The following SLC26A5 variants were observed in gnomAD, a reference collection of about 807,000 sequenced individuals.
The protein encoded by SLC26A5 is solute carrier family 26 member 5, also known as prestin.
A neutral mutation model predicts 81.0 loss-of-function variants in SLC26A5; 51 were observed. The observed-to-expected ratio is 0.63, with a 90% CI of 0.50 to 0.80. The LOEUF is 0.80. Ranked by LOEUF, SLC26A5 falls within the 30% of genes least tolerant of loss-of-function variation. SLC26A5 has a pLI of 0.00. For synonymous variants in SLC26A5, 325 were observed against 332.8 expected (o/e 0.98, Z 0.25); for missense variants, 771 against 905.8 (o/e 0.85, Z 1.91).
chr7:103,355,713 T>C (rs1343269874), intron 19 of SLC26A5: 2 of 1,613,960 alleles, frequency 1.2e-6, no homozygotes, highest in Non-Finnish European at 1.7e-6. Context: ...AATCTGACAC[T>C]GGCCTGGCCC....
chr7:103,397,915 T>G lies in SLC26A5; in HGVS notation c.971+17A>C. The G allele has an allele frequency of 1.3e-6, 2 of 1,597,576 alleles. No individual in the cohort carries two copies. The highest frequency in any genetic ancestry group is 1.7e-6 in the Non-Finnish European group (2 of 1,164,966). ...TGATTATTTCAGTCACACAGTTACT[T>G]AAAACCACTTTCCTACCCTAGAGGA... On this transcript the variant is annotated intron_variant, in intron 9 of 19. Transcript: ENST00000306312.
chr7:103,365,112 C>A (rs1162798239), intron 19 of SLC26A5, among the ~76,000 whole-genome samples: 1 of 151,624 alleles, frequency 6.6e-6, no homozygotes, highest in Non-Finnish European at 1.5e-5. Context: ...CTAAAACTTG[C>A]AAGTCAAATT....
At chr7:103,387,708 T>C (rs1350119868) in intron 14 of SLC26A5, among the ~76,000 whole-genome samples, 2 of 152,038 alleles carry the variant, frequency 1.3e-5, no homozygotes, top group Non-Finnish European at 2.9e-5. Context: ...TGAGATGGAG[T>C]TTTGCTCTTG....
chr7:103,380,551 T>C lies in SLC26A5; in HGVS notation c.1515-2A>G, dbSNP rs1228819119. On this transcript the variant is annotated splice_acceptor_variant, in intron 14 of 19. Coordinates refer to ENST00000306312, the MANE Select transcript of SLC26A5 (RefSeq NM_198999.3). LOFTEE classifies it high-confidence loss of function. Reference sequence around the variant, plus strand: ...TTTCCAAGGACTTTGTAGCTTGGACTGAAGATAAAGAGTGTTAAATACCAT... The same window carrying C: ...TTTCCAAGGACTTTGTAGCTTGGACCGAAGATAAAGAGTGTTAAATACCAT... The C allele has an allele frequency of 6.2e-7, 1 of 1,612,764 alleles. No homozygotes were observed. The highest frequency in any genetic ancestry group is 1.7e-5 in the Admixed American group (1 of 59,994).
At chr7:103,396,819 G>A (rs1823146727) in intron 9 of SLC26A5, among the ~76,000 whole-genome samples, 1 of 152,228 alleles carries the variant, frequency 6.6e-6, no homozygotes, top group African/African-American at 2.4e-5. Flanking sequence ...GATTTGCTGG[G>A]CGTGGTGGCT....
At position 103,377,733 on chromosome 7, in the gene SLC26A5, G is replaced by A. The variant is rs753785669; in HGVS notation, c.1852C>T (p.Pro618Ser). 8.1e-6 allele frequency: 13 copies of A among 1,613,908 alleles called. No homozygotes were observed. The highest frequency in any genetic ancestry group is 2.7e-5 in the African/African-American group (2 of 74,886). ...EEEDGEVKYP[P>S]IVIKSTFPEE... ...GGAAATGTGCTTTTGATCACTATTG[G>A]GGGATATTTTACTTCACCATCCTCT... The change falls in exon 18 of 20, where the codon CCA (proline) becomes TCA (serine). Residue 618 changes from proline to serine, a missense_variant. Transcript: ENST00000306312.
chr7:103,366,469 G>A (rs1335411160), intron 19 of SLC26A5, among the ~76,000 whole-genome samples: 1 of 152,168 alleles, frequency 6.6e-6, no homozygotes, highest in Non-Finnish European at 1.5e-5. Flanking sequence ...TGAAGTACTT[G>A]CATTATACTG....
At chr7:103,383,423 C>A (rs1015600179) in intron 14 of SLC26A5, among the ~76,000 whole-genome samples, 1 of 152,210 alleles carries the variant, frequency 6.6e-6, no homozygotes, top group African/African-American at 2.4e-5. Flanking sequence ...AGATGATGAA[C>A]AGGCCTTCCT....
chr7:103,395,530 T>A (rs1222887198), intron 9 of SLC26A5, among the ~76,000 whole-genome samples: 6 of 144,122 alleles, frequency 4.2e-5, no homozygotes, highest in South Asian at 2.2e-4. Context: ...TAAATTTTTT[T>A]TTTTTTTTTT....
At position 103,381,699 on chromosome 7, in the gene SLC26A5, A is replaced by C. The variant is rs371653782; in HGVS notation, c.1515-1150T>G. Among the ~76,000 whole-genome samples the C allele has an allele frequency of 4.0e-5, 6 of 150,804 alleles. No individual in the cohort carries two copies. The East Asian group carries it at 7.8e-4, about 20-fold the overall frequency. On this transcript the variant is annotated intron_variant, in intron 14 of 19. Coordinates refer to ENST00000306312, the MANE Select transcript of SLC26A5 (RefSeq NM_198999.3). Reference sequence around the variant, plus strand: ...CACATACGTGCAGACACATGCATACATACCCCCACTACATGCCACACACAA... The same window carrying C: ...CACATACGTGCAGACACATGCATACCTACCCCCACTACATGCCACACACAA...
chr7:103,386,526 G>A (rs1480292291), intron 14 of SLC26A5, among the ~76,000 whole-genome samples: 1 of 151,850 alleles, frequency 6.6e-6, no homozygotes, highest in Non-Finnish European at 1.5e-5. Flanking sequence ...TCATGCCACT[G>A]CACTCCAGCC....
intron 2 of SLC26A5, among the ~76,000 whole-genome samples, chr7:103,431,666 T>C (rs939518675): frequency 1.3e-5 from 2 of 152,156 alleles, no homozygotes; most frequent in Non-Finnish European, 2.9e-5. Flanking sequence ...ATTCTTCTGG[T>C]GAGTTTATTA....
At chr7:103,391,294 G>A (rs1218126950) in intron 11 of SLC26A5, among the ~76,000 whole-genome samples, 1 of 152,210 alleles carries the variant, frequency 6.6e-6, no homozygotes, top group African/African-American at 2.4e-5. Context: ...CCATCATTGC[G>A]GAAAGTTCTA....
chr7:103,425,162 CCTT>C (rs1424907191), intron 2 of SLC26A5, among the ~76,000 whole-genome samples: 1 of 152,150 alleles, frequency 6.6e-6, no homozygotes. Context: ...CCTTATTTCT[CCTT>C]CTCCCAGAAC....
Position 103,390,279 on chromosome 7 carries a change from A to G in SLC26A5, c.1311+150T>C. 9 of 759,916 alleles carry G rather than the reference A, an allele frequency of 1.2e-5. No individual in the cohort carries two copies. The South Asian group carries it at 1.4e-4, about 11-fold the overall frequency. The allele number at this position is 759,916 out of a possible 1,614,324, so 47.1% of individuals were successfully genotyped here. On this transcript the variant is annotated intron_variant, in intron 12 of 19. Coordinates refer to ENST00000306312, the MANE Select transcript of SLC26A5 (RefSeq NM_198999.3). ...GGCAGCTGTCAGTAGGTTATAGAGC[A>G]GGATCTTGGTCCTAGCCTTGGCCCT... is the stretch of plus-strand genomic sequence containing the variant.
intron 2 of SLC26A5, among the ~76,000 whole-genome samples, chr7:103,424,479 T>C (rs1224119692): frequency 6.6e-6 from 1 of 152,218 alleles, no homozygotes; most frequent in East Asian, 1.9e-4. Flanking sequence ...TTATTGATAA[T>C]GCATGCCATG....
intron 19 of SLC26A5, among the ~76,000 whole-genome samples, chr7:103,354,616 C>G (rs536584918): frequency 6.6e-6 from 1 of 151,960 alleles, no homozygotes; most frequent in African/African-American, 2.4e-5. Context: ...GTGATCCACC[C>G]GCCTCCGCCC....
In SLC26A5 at chr7:103,388,480, C is replaced by T. The variant is rs1434802973; in HGVS notation, c.1514+528G>A. On this transcript the variant is annotated intron_variant, in intron 14 of 19. Transcript: ENST00000306312. ...CCTCTGAAAGTGCTGGGATTACAGG[C>T]GTGAGCCACTGCACCCAACCATATA... 9.5e-5 allele frequency: 19 copies of T among 200,148 alleles called. No individual in the cohort carries two copies. In the Admixed American group the frequency reaches 9.5e-4, roughly 10 times the overall value. 12.4% of individuals were successfully genotyped at this position (200,148 alleles called of 1,614,324 possible). A position where few individuals can be genotyped will look rare whatever the true frequency, so the allele number is the denominator to read the frequency against.
chr7:103,421,576 A>G lies in SLC26A5; in HGVS notation c.-53-9T>C. 1 of 1,569,744 alleles carries G rather than the reference A, an allele frequency of 6.4e-7. No individual in the cohort carries two copies. Among genetic ancestry groups the G allele is most frequent in the African/African-American group, 1.3e-5 (1 of 74,112 alleles). ...GCATTTCCTGAGTGTCACTAGGGGA[A>G]AAAAGAAAAACTCCATTTTACTTGC... On this transcript the variant is annotated splice_polypyrimidine_tract_variant and intron_variant, in intron 2 of 19. Coordinates refer to ENST00000306312, the MANE Select transcript of SLC26A5 (RefSeq NM_198999.3).
Sources: allele counts gnomAD v4.1 joint callset (sites outside exome capture counted in the v4.1 genomes callset), GRCh38; gene constraint gnomAD v4.1.1; transcripts MANE v1.5; gene names NCBI Gene and HGNC (gene_info 2026-07-23, HGNC 2026-07-21).